CDH13: variants seen among roughly 807,000 people sequenced by gnomAD.
The protein encoded by CDH13 is cadherin-13.
In CDH13, 24 loss-of-function variants were observed where a neutral mutation model predicts 63.8. The ratio of observed to expected loss-of-function variants is 0.38; its 90% confidence interval spans 0.27 to 0.53. CDH13 has a LOEUF of 0.53. Among genes scored for constraint, CDH13 ranks in the 20% least tolerant of loss-of-function variants. The pLI is 0.85. For synonymous variants in CDH13, 503 were observed against 355.3 expected, an observed-to-expected ratio of 1.42 and a Z score of -4.67; for missense variants, 1,049 against 903.1, an observed-to-expected ratio of 1.16 and a Z score of -2.07.
intron 3 of CDH13, among the ~76,000 whole-genome samples, chr16:83,105,866 A>G (rs754690440): frequency 5.3e-5 from 8 of 152,218 alleles, no homozygotes; most frequent in Non-Finnish European, 1.0e-4. Context: ...GGGAGAAAGT[A>G]GTGAGTCAGC....
intron 1 of CDH13, among the ~76,000 whole-genome samples, chr16:82,832,852 C>G (rs953559538): frequency 6.6e-6 from 1 of 152,166 alleles, no homozygotes; most frequent in African/African-American, 2.4e-5. Flanking sequence ...TTTAACTGCA[C>G]CAAGGAACAT....
At chr16:83,384,053 CAT>C (rs1366505370) in intron 6 of CDH13, among the ~76,000 whole-genome samples, 2 of 152,150 alleles carry the variant, frequency 1.3e-5, no homozygotes, top group African/African-American at 4.8e-5. Context: ...CATGCTTGCA[CAT>C]ATGTCTACAA....
At chr16:82,939,776 C>T (rs1440824041) in intron 2 of CDH13, among the ~76,000 whole-genome samples, 1 of 152,174 alleles carries the variant, frequency 6.6e-6, no homozygotes, top group Non-Finnish European at 1.5e-5. Flanking sequence ...ACCCATTTCT[C>T]TAATGCTGCT....
intron 1 of CDH13, among the ~76,000 whole-genome samples, chr16:82,787,101 A>C (rs1043066601): frequency 2.6e-5 from 4 of 152,178 alleles, no homozygotes; most frequent in African/African-American, 9.7e-5. Flanking sequence ...TTTATCTCAT[A>C]AGACAAAATG....
chr16:83,672,570 G>T (rs1042987513), intron 9 of CDH13, among the ~76,000 whole-genome samples: 1 of 151,570 alleles, frequency 6.6e-6, no homozygotes, highest in Non-Finnish European at 1.5e-5. Context: ...GATTACAGGT[G>T]CATGCCACCA....
intron 1 of CDH13, among the ~76,000 whole-genome samples, chr16:82,674,380 A>G (rs1913650966): frequency 6.6e-6 from 1 of 152,174 alleles, no homozygotes; most frequent in Admixed American, 6.5e-5. Context: ...CTTTGATTTG[A>G]GGTATTTGAA....
chr16:83,584,058 G>C (rs1033563031), intron 7 of CDH13, among the ~76,000 whole-genome samples: 1 of 152,128 alleles, frequency 6.6e-6, no homozygotes, highest in African/African-American at 2.4e-5. Flanking sequence ...GGCTGGGCGC[G>C]GTGGCTCACG....
intron 11 of CDH13, among the ~76,000 whole-genome samples, chr16:83,767,293 G>A (rs1372855949): frequency 6.6e-6 from 1 of 151,640 alleles, no homozygotes; most frequent in Non-Finnish European, 1.5e-5. Flanking sequence ...TCGAGGGTGG[G>A]GCCATCTAGA....
At chr16:83,249,094 C>T (rs1905239589) in intron 5 of CDH13, among the ~76,000 whole-genome samples, 1 of 152,194 alleles carries the variant, frequency 6.6e-6, no homozygotes, top group Admixed American at 6.5e-5. Flanking sequence ...TACTAAAACA[C>T]AAATTCACCA....
intron 8 of CDH13, among the ~76,000 whole-genome samples, chr16:83,657,183 G>T (rs1912945850): frequency 6.6e-6 from 1 of 152,180 alleles, no homozygotes; most frequent in African/African-American, 2.4e-5. Flanking sequence ...TCATTGTAAA[G>T]AAACAGCCAT....
chr16:83,501,959 A>G (rs1021698028), intron 7 of CDH13, among the ~76,000 whole-genome samples: 1 of 152,182 alleles, frequency 6.6e-6, no homozygotes, highest in African/African-American at 2.4e-5. Context: ...GGGCTTAGGA[A>G]TTCACAAATG....
chr16:83,723,448 A>C (rs1242553330), intron 10 of CDH13, among the ~76,000 whole-genome samples: 1 of 152,178 alleles, frequency 6.6e-6, no homozygotes, highest in Admixed American at 6.5e-5. Context: ...GAGGCTCCTC[A>C]GTGACATCAG....
At chr16:82,894,089 C>T (rs1455657291) in intron 2 of CDH13, among the ~76,000 whole-genome samples, 3 of 152,160 alleles carry the variant, frequency 2.0e-5, no homozygotes, top group Non-Finnish European at 2.9e-5. Flanking sequence ...TAGCTCAATC[C>T]GTTGTCTGTA....
At chr16:83,184,985 G>C (rs1211939688) in intron 4 of CDH13, among the ~76,000 whole-genome samples, 2 of 151,908 alleles carry the variant, frequency 1.3e-5, no homozygotes, top group African/African-American at 4.8e-5. Context: ...AAGTGTACAT[G>C]TGTGGTGTGT....
intron 2 of CDH13, among the ~76,000 whole-genome samples, chr16:82,874,079 C>G (rs533264039): frequency 6.6e-6 from 1 of 151,962 alleles, no homozygotes; most frequent in Non-Finnish European, 1.5e-5. Flanking sequence ...CACGATTCTA[C>G]GAGCGGGGTC....
At chr16:83,203,510 C>T (rs1262680379) in intron 4 of CDH13, among the ~76,000 whole-genome samples, 4 of 151,238 alleles carry the variant, frequency 2.6e-5, no homozygotes, top group Non-Finnish European at 5.9e-5. Flanking sequence ...CATGGTGAAA[C>T]CCCGTCTCTA....
At chr16:82,693,814 A>G (rs955272042) in intron 1 of CDH13, among the ~76,000 whole-genome samples, 5 of 152,230 alleles carry the variant, frequency 3.3e-5, no homozygotes, top group African/African-American at 1.2e-4. Context: ...CCAAGGTGCC[A>G]TCAGAGTCAT....
intron 11 of CDH13, among the ~76,000 whole-genome samples, chr16:83,772,244 CT>C (rs34703748): frequency 0.55 from 83,570 of 151,794 alleles, 23,968 homozygotes; most frequent in Admixed American, 0.64. Context: ...AAAATCTATA[CT>C]GGCTAAAGTC....
At chr16:83,607,424 A>C (rs1009777664) in intron 8 of CDH13, among the ~76,000 whole-genome samples, 2 of 152,186 alleles carry the variant, frequency 1.3e-5, no homozygotes, top group African/African-American at 4.8e-5. Context: ...GTCTCAAAAA[A>C]AAAAGAAAAA....
Sources: gnomAD v4.1 joint callset for allele counts (sites outside exome capture counted in the v4.1 genomes callset) on GRCh38, gnomAD v4.1.1 for gene constraint, MANE v1.5 for transcripts, NCBI Gene and HGNC (gene_info 2026-07-23, HGNC 2026-07-21) for gene names.